Variants in MYCBP2 observed in about 807,000 individuals in gnomAD.
MYCBP2 encodes MYC binding protein 2.
In MYCBP2, 120 loss-of-function variants were observed where a neutral mutation model predicts 525.3. The observed-to-expected ratio is 0.23, with a 90% CI of 0.20 to 0.27. The LOEUF (loss-of-function observed/expected upper bound fraction) is 0.27. Ranked by LOEUF, MYCBP2 falls within the 10% of genes least tolerant of loss-of-function variation. MYCBP2 has a pLI of 1.00. For synonymous variants in MYCBP2, 1,894 were observed against 1,955.8 expected (o/e 0.97, Z 0.83); for missense variants, 4,149 against 5,657.1 (o/e 0.73, Z 8.55).
At position 77,180,121 on chromosome 13, in the gene MYCBP2, T is replaced by A. The variant is rs1415047997; in HGVS notation, c.5133+6A>T. 6.2e-7 allele frequency: 1 copy of A among 1,608,406 alleles called. No homozygotes were observed. The highest frequency in any genetic ancestry group is 8.5e-7 in the Non-Finnish European group (1 of 1,176,476). The stretch of plus-strand genomic sequence containing the variant: ...TTTTATCCAGTGTCAAAATATAATG[T>A]ATTACCTCAGATCCCAGGGCTGACG... On this transcript the variant is annotated splice_donor_region_variant and intron_variant, in intron 34 of 82. Coordinates refer to ENST00000544440, the MANE Select transcript of MYCBP2 (RefSeq NM_015057.5).
intron 1 of MYCBP2, among the ~76,000 whole-genome samples, chr13:77,313,962 CA>C (rs1441613254): frequency 2.0e-5 from 3 of 151,636 alleles, no homozygotes; most frequent in Non-Finnish European, 2.9e-5. Context: ...GATTCTACTA[CA>C]CACCTATCAG....
At chr13:77,155,962 G>T (rs2154198793) in intron 46 of MYCBP2, 96 bp downstream of exon 46, 1 of 1,201,514 alleles carries the variant, frequency 8.3e-7, no homozygotes, top group South Asian at 1.7e-5. Flanking sequence ...AAAGAGGGTA[G>T]AACAAATGGA....
Position 77,081,111 on chromosome 13 carries a change from G to C in MYCBP2, c.11418+316C>G. On this transcript the variant is annotated intron_variant, in intron 65 of 82. Transcript: ENST00000544440. The surrounding 1 kb of genome is among the most constrained non-coding windows in gnomAD (Gnocchi z 4.6). ...GGAAGAATTGATCAGCAGAGTTTAAGGGGAGGACTTCCAGGTCACGGGAAA... is the reference window on the plus strand; with the variant it reads ...GGAAGAATTGATCAGCAGAGTTTAACGGGAGGACTTCCAGGTCACGGGAAA... 3.7e-6 allele frequency: 1 copy of C among 271,250 alleles called. No individual in the cohort carries two copies. The allele number at this position is 271,250 out of a possible 1,614,324, so 16.8% of individuals were successfully genotyped here. A position where few individuals can be genotyped will look rare whatever the true frequency, so the allele number is the denominator to read the frequency against.
At position 77,288,419 on chromosome 13, in the gene MYCBP2, A is replaced by G. The variant is rs537753489; in HGVS notation, c.379-43T>C. ...ATATTTCCATTTCACACTCTTTTCT[A>G]TCATCAAGTCCCATTTTACATAAAA... On this transcript the variant is annotated intron_variant, in intron 2 of 82. Coordinates refer to ENST00000544440, the MANE Select transcript of MYCBP2 (RefSeq NM_015057.5). 159 of 1,499,084 alleles carry G rather than the reference A, an allele frequency of 1.1e-4. No individual in the cohort carries two copies. The Middle Eastern group carries it at 3.5e-3, about 33-fold the overall frequency. The allele number at this position is 1,499,084 out of a possible 1,614,324, so 92.9% of individuals were successfully genotyped here.
At chr13:77,266,746 G>GAAAA (rs56408804) in intron 8 of MYCBP2, among the ~76,000 whole-genome samples, 5 of 89,412 alleles carry the variant, frequency 5.6e-5, no homozygotes, top group Admixed American at 1.2e-4. Flanking sequence ...GACTTGTAAT[G>GAAAA]AAAAAAAAAA....
rs765508434 is a variant in MYCBP2 at position 77,261,249 on chromosome 13, A to T, written c.1774T>A (p.Ser592Thr). Reference protein sequence around the residue: ...IVHFSVGHDGSHALLVAEDGS... With the variant: ...IVHFSVGHDGTHALLVAEDGS... The stretch of plus-strand genomic sequence containing the variant: ...TCTTCTGCAACTAAAAGGGCGTGAG[A>T]GCCATCGTGTCCAACTGAGAAGTGT... The change falls in exon 12 of 83, where the codon TCT (serine) becomes ACT (threonine). Residue 592 changes from serine (S) to threonine (T), a missense_variant. By Grantham distance (58) the Ser-to-Thr change is moderately conservative (BLOSUM62 1). Around this residue, in one of 21 missense-constraint regions of MYCBP2, gnomAD observed 262 missense variants for 419.3 expected, o/e 0.62. Coordinates refer to ENST00000544440, the MANE Select transcript of MYCBP2 (RefSeq NM_015057.5). 1 of 1,613,806 alleles carries T rather than the reference A, an allele frequency of 6.2e-7. No homozygotes were observed. The highest frequency in any genetic ancestry group is 8.5e-7 in the Non-Finnish European group (1 of 1,179,786).
At chr13:77,129,781 T>C in intron 52 of MYCBP2, 1 of 151,956 alleles carries the variant, frequency 6.6e-6, no homozygotes, top group East Asian at 1.9e-4. Flanking sequence ...CTTCCCTTTA[T>C]AAGTAGGAAA....
At chr13:77,208,463 A>T (rs1341888089) in intron 23 of MYCBP2, among the ~76,000 whole-genome samples, 1 of 152,242 alleles carries the variant, frequency 6.6e-6, no homozygotes, top group African/African-American at 2.4e-5. Context: ...TATTAAAAAA[A>T]ATCTAAAATG....
rs2063966303 is a variant in MYCBP2 at position 77,211,243 on chromosome 13, T to C, written c.3340A>G (p.Thr1114Ala). Residue 1114 changes from threonine to alanine, a missense_variant, in exon 23 of 83, where the codon ACT becomes GCT. Physicochemically the swap from Thr to Ala is moderately conservative, Grantham distance 58 (BLOSUM62 0). Transcript: ENST00000544440. ...TCCTCTTGTTCTGAGTCATTAAAAG[T>C]TTTACAACTCCCATCCACTTTATTT... ...LINKVDGSCK[T>A]FNDSEQEDLQ... The C allele has an allele frequency of 6.4e-7, 1 of 1,554,336 alleles. No homozygotes were observed.
chr13:77,074,422 A>G (rs2041943082), intron 68 of MYCBP2, among the ~76,000 whole-genome samples: 1 of 152,214 alleles, frequency 6.6e-6, no homozygotes, highest in East Asian at 1.9e-4. Context: ...CATAAAAATC[A>G]TGAATCAAAA....
intron 41 of MYCBP2, 145 bp from the exon 42 acceptor site, chr13:77,165,536 G>T (rs543576639): frequency 1.7e-5 from 10 of 594,382 alleles, no homozygotes; most frequent in Non-Finnish European, 2.6e-5. Context: ...GACTTGCGGC[G>T]GGGAGCGTTC....
intron 3 of MYCBP2, among the ~76,000 whole-genome samples, chr13:77,286,470 C>T (rs2076772319): frequency 2.6e-5 from 4 of 151,606 alleles, no homozygotes. Context: ...ATATATATAA[C>T]AGGCTGGGTG....
At chr13:77,151,711 C>T (rs1178762439) in intron 46 of MYCBP2, among the ~76,000 whole-genome samples, 1 of 152,148 alleles carries the variant, frequency 6.6e-6, no homozygotes, top group Non-Finnish European at 1.5e-5. Flanking sequence ...TATAACTTTG[C>T]AACTCAATTT....
intron 32 of MYCBP2, among the ~76,000 whole-genome samples, chr13:77,183,247 A>G (rs752085169): frequency 1.3e-5 from 2 of 152,210 alleles, no homozygotes; most frequent in East Asian, 3.8e-4. Flanking sequence ...AGCTAAACTC[A>G]TAAAATTAGT....
intron 40 of MYCBP2, 36 bp from the exon 41 acceptor site, chr13:77,166,590 A>C (rs1242622865): frequency 2.0e-5 from 28 of 1,429,868 alleles, no homozygotes; most frequent in Non-Finnish European, 2.7e-5. Flanking sequence ...GAATACAGAT[A>C]TATATATACA....
At chr13:77,258,899 T>C (rs1833708915) in intron 13 of MYCBP2, among the ~76,000 whole-genome samples, 1 of 152,194 alleles carries the variant, frequency 6.6e-6, no homozygotes, top group Admixed American at 6.5e-5. Context: ...AAGAAAACTC[T>C]TAAATGTTTA....
At chr13:77,189,068 T>A (rs763351669) in intron 29 of MYCBP2, 21 bp from the exon 30 acceptor site, 3 of 1,527,998 alleles carry the variant, frequency 2.0e-6, no homozygotes, top group African/African-American at 2.8e-5. Flanking sequence ...TAGACACATA[T>A]AAAATTATGT....
At chr13:77,077,077 A>G in intron 67 of MYCBP2, 71 bp downstream of exon 67, 3 of 1,537,998 alleles carry the variant, frequency 2.0e-6, no homozygotes, top group Non-Finnish European at 2.6e-6. Context: ...GTTTCACAAA[A>G]TATTTTGTTA....
chr13:77,278,746 C>T lies in MYCBP2; in HGVS notation c.748+12G>A. On this transcript the variant is annotated intron_variant, in intron 4 of 82. Coordinates refer to ENST00000544440, the MANE Select transcript of MYCBP2 (RefSeq NM_015057.5). ...CTTTTAAATGCTTCACTGAATGAGC[C>T]TTGGCTCTTACCTAGGACCTCAGGT... 6.6e-7 allele frequency: 1 copy of T among 1,511,058 alleles called. No individual in the cohort carries two copies. Among genetic ancestry groups the T allele is most frequent in the Non-Finnish European group, 8.8e-7 (1 of 1,133,038 alleles). 93.6% of individuals were successfully genotyped at this position (1,511,058 alleles called of 1,614,324 possible).
Sources: gnomAD v4.1 joint callset for allele counts (sites outside exome capture counted in the v4.1 genomes callset) on GRCh38, gnomAD v4.1.1 for gene constraint, gnomAD v4.1.1 regional missense constraint, Gnocchi (gnomAD v3.1) non-coding constraint, MANE v1.5 for transcripts, NCBI Gene and HGNC (gene_info 2026-07-23, HGNC 2026-07-21) for gene names.